The following PLCH1 variants were observed in gnomAD, a reference collection of about 807,000 sequenced individuals.
PLCH1 encodes the protein phospholipase C eta 1.
Under a neutral mutation model 126.7 loss-of-function variants are expected in PLCH1, and 60 were observed. That is an observed-to-expected ratio of 0.47 (90% CI 0.38 to 0.59). PLCH1 has a LOEUF of 0.59. PLCH1 is among the 20% of genes least tolerant of loss of function. The pLI is 0.00. For synonymous variants in PLCH1, 719 were observed against 734.9 expected, an observed-to-expected ratio of 0.98 and a Z score of 0.35; for missense variants, 1,723 against 2,040.0, an observed-to-expected ratio of 0.84 and a Z score of 2.99.
chr3:155,605,655 C>A (rs1201765957), intron 2 of PLCH1, among the ~76,000 whole-genome samples: 1 of 152,190 alleles, frequency 6.6e-6, no homozygotes, highest in Non-Finnish European at 1.5e-5. Context: ...GGCAATTGCC[C>A]CATGCTACAG....
At chr3:155,740,347 G>A (rs1749525337) in intron 1 of PLCH1, among the ~76,000 whole-genome samples, 1 of 150,310 alleles carries the variant, frequency 6.7e-6, no homozygotes, top group East Asian at 2.0e-4. Context: ...GGAGGTAGAG[G>A]TTGCAGTGAG....
chr3:155,735,950 C>T (rs1489035753), intron 1 of PLCH1, among the ~76,000 whole-genome samples: 1 of 152,102 alleles, frequency 6.6e-6, no homozygotes, highest in Non-Finnish European at 1.5e-5. Flanking sequence ...TAATTTTTCC[C>T]TAAACGCCCT....
At chr3:155,478,219 A>C (rs1016881619), downstream of PLCH1, among the ~76,000 whole-genome samples, 2 of 152,148 alleles carry the variant, frequency 1.3e-5, no homozygotes, top group African/African-American at 4.8e-5. Context: ...ATGGATATAG[A>C]GAGTAGGATA....
chr3:155,547,519 A>G (rs1033517722), intron 10 of PLCH1, among the ~76,000 whole-genome samples: 2 of 148,210 alleles, frequency 1.3e-5, no homozygotes, highest in African/African-American at 2.5e-5. Flanking sequence ...ATACCATTTG[A>G]CCCACCAATC....
intron 2 of PLCH1, among the ~76,000 whole-genome samples, chr3:155,633,827 C>G (rs1333569015): frequency 6.6e-6 from 1 of 151,990 alleles, no homozygotes; most frequent in African/African-American, 2.4e-5. Flanking sequence ...GGCTGAGGCA[C>G]GAGAACCACT....
intron 2 of PLCH1, among the ~76,000 whole-genome samples, chr3:155,636,548 G>A (rs1559877798): frequency 6.6e-6 from 1 of 151,920 alleles, no homozygotes; most frequent in Non-Finnish European, 1.5e-5. Context: ...AAGAGTTCAA[G>A]ACCAGCTGGC....
chr3:155,558,945 C>T (rs1260902212), intron 8 of PLCH1, among the ~76,000 whole-genome samples: 1 of 152,080 alleles, frequency 6.6e-6, no homozygotes, highest in Non-Finnish European at 1.5e-5. Context: ...AAATGCTAAG[C>T]CTTCAGGAAC....
intron 21 of PLCH1, among the ~76,000 whole-genome samples, chr3:155,473,273 T>C (rs1335414363): frequency 4.3e-4 from 66 of 151,780 alleles, no homozygotes; most frequent in Non-Finnish European, 7.7e-4. Flanking sequence ...CAAGCATTCT[T>C]ATACACCAAT....
chr3:155,587,499 T>C (rs1010012108), intron 4 of PLCH1, among the ~76,000 whole-genome samples: 3 of 152,150 alleles, frequency 2.0e-5, no homozygotes, highest in South Asian at 2.1e-4. Flanking sequence ...CTTCTACACA[T>C]AAGGTCTGTC....
At chr3:155,493,244 CAA>C (rs1716525428) in intron 17 of PLCH1, among the ~76,000 whole-genome samples, 1 of 152,142 alleles carries the variant, frequency 6.6e-6, no homozygotes, top group Non-Finnish European at 1.5e-5. Flanking sequence ...AGAAAATGTG[CAA>C]AGTGTAAAAT....
At chr3:155,564,649 T>C (rs1728079300) in intron 8 of PLCH1, among the ~76,000 whole-genome samples, 1 of 152,180 alleles carries the variant, frequency 6.6e-6, no homozygotes. Context: ...TAAAAATATC[T>C]TTCTAGGAAG....
intron 10 of PLCH1, among the ~76,000 whole-genome samples, chr3:155,540,946 T>C (rs1724147452): frequency 6.6e-6 from 1 of 152,200 alleles, no homozygotes; most frequent in South Asian, 2.1e-4. Flanking sequence ...CACATATTTT[T>C]AGCAGCACAA....
intron 2 of PLCH1, among the ~76,000 whole-genome samples, chr3:155,600,105 TGA>T (rs2108673295): frequency 6.6e-6 from 1 of 152,326 alleles, no homozygotes; most frequent in South Asian, 2.1e-4. Context: ...ACTGAAATCT[TGA>T]GAGTCATCTA....
chr3:155,589,264 C>T (rs889364443), intron 4 of PLCH1, among the ~76,000 whole-genome samples: 2 of 152,020 alleles, frequency 1.3e-5, no homozygotes, highest in Non-Finnish European at 2.9e-5. Flanking sequence ...TGCAACTATT[C>T]CACTCTGTCA....
intron 17 of PLCH1, 68 bp downstream of exon 17, chr3:155,494,073 A>T: frequency 8.2e-7 from 1 of 1,219,930 alleles, no homozygotes; most frequent in South Asian, 1.2e-5. Flanking sequence ...TCCTTAATAA[A>T]GGTTGCCTGC....
At position 155,692,679 on chromosome 3, in the gene PLCH1, T is replaced by C. The variant is rs143056319; in HGVS notation, c.79+11467A>G. On this transcript the variant is annotated intron_variant, in intron 2 of 22. Coordinates refer to ENST00000460012, the MANE Select transcript of PLCH1 (RefSeq NM_014996.4). ...TCCTACTCTCTCCCGTAGCTGCCTG[T>C]GGTTATCACAGCAAGGATTCTCTGA... 6.1e-3 allele frequency among the ~76,000 whole-genome samples: 928 copies of C among 152,296 alleles called. 12 individuals are homozygous for C. Among genetic ancestry groups the C allele is most frequent in the African/African-American group, 0.021 (872 of 41,576 alleles).
chr3:155,713,029 T>C (rs1476197356), intron 1 of PLCH1, among the ~76,000 whole-genome samples: 1 of 148,778 alleles, frequency 6.7e-6, no homozygotes, highest in Non-Finnish European at 1.5e-5. Context: ...GCCCTGTGAG[T>C]TCCACATTAT....
intron 21 of PLCH1, among the ~76,000 whole-genome samples, chr3:155,469,664 T>C (rs530780691): frequency 6.6e-6 from 1 of 152,146 alleles, no homozygotes; most frequent in East Asian, 1.9e-4. Context: ...CTCTGCAGAC[T>C]TAAATGTCCC....
At chr3:155,586,339 T>A (rs1731370385) in intron 4 of PLCH1, 145 bp from the exon 5 acceptor site, 4 of 700,784 alleles carry the variant, frequency 5.7e-6, no homozygotes, top group Non-Finnish European at 7.3e-6. Flanking sequence ...TAGGCTCTGA[T>A]GAGCTACTAA....
Sources: allele counts gnomAD v4.1 joint callset (sites outside exome capture counted in the v4.1 genomes callset), GRCh38; gene constraint gnomAD v4.1.1; transcripts MANE v1.5; gene names NCBI Gene and HGNC (gene_info 2026-07-23, HGNC 2026-07-21).